Variants in TTLL11 observed in about 807,000 individuals in gnomAD.
TTLL11 encodes tubulin tyrosine ligase like 11, also known as tubulin polyglutamylase TTLL11.
A neutral mutation model predicts 51.7 loss-of-function variants in TTLL11; 42 were observed. The observed-to-expected ratio is 0.81, with a 90% CI of 0.64 to 1.05. TTLL11 has a LOEUF of 1.05. Among genes scored for constraint, TTLL11 ranks in the 50% least tolerant of loss-of-function variants. TTLL11 has a pLI of 0.00. For synonymous variants in TTLL11, 381 were observed against 383.5 expected, an observed-to-expected ratio of 0.99 and a Z score of 0.08; for missense variants, 799 against 940.4, an observed-to-expected ratio of 0.85 and a Z score of 1.97.
intron 8 of TTLL11, among the ~76,000 whole-genome samples, chr9:121,841,101 C>T (rs1457971668): frequency 6.6e-6 from 1 of 151,984 alleles, no homozygotes; most frequent in South Asian, 2.1e-4. Flanking sequence ...ACCGTCTCAC[C>T]CATGGGCCTT....
intron 1 of TTLL11, among the ~76,000 whole-genome samples, chr9:122,081,977 G>A (rs140474843): frequency 7.2e-5 from 11 of 152,290 alleles, no homozygotes; most frequent in African/African-American, 2.2e-4. Flanking sequence ...GTTTAACCTT[G>A]TTGACAATCA....
Position 121,839,131 on chromosome 9 carries a change from G to A in TTLL11, c.1841-16252C>T, listed in dbSNP as rs76271018. On this transcript the variant is annotated intron_variant, in intron 8 of 8. Transcript: ENST00000321582. ...TTGATCCACCTCTTAATATAAATGA[G>A]GTCCTCTCTGTCCTCCTCATTAAAA... Among the ~76,000 whole-genome samples, 826 of 152,314 alleles carry A rather than the reference G, an allele frequency of 5.4e-3. 6 individuals carry two copies. Among genetic ancestry groups the A allele is most frequent in the African/African-American group, 0.019 (796 of 41,556 alleles).
At chr9:121,920,552 T>C (rs1840498047) in intron 6 of TTLL11, among the ~76,000 whole-genome samples, 1 of 152,224 alleles carries the variant, frequency 6.6e-6, no homozygotes, top group Non-Finnish European at 1.5e-5. Flanking sequence ...CTAGTCTATT[T>C]TCTTTGACAG....
chr9:121,910,047 G>A (rs1329619468), intron 6 of TTLL11, among the ~76,000 whole-genome samples: 1 of 152,082 alleles, frequency 6.6e-6, no homozygotes, highest in East Asian at 1.9e-4. Flanking sequence ...AGGTATGTAG[G>A]GCAGAAATTA....
At chr9:121,961,423 G>GA (rs3048093) in intron 6 of TTLL11, among the ~76,000 whole-genome samples, 11,683 of 148,936 alleles carry the variant, frequency 0.078, 679 homozygotes, top group African/African-American at 0.17. Context: ...TTTTATGGAT[G>GA]AAAAAAAAAA....
At chr9:121,925,661 G>C (rs1051064245) in intron 6 of TTLL11, among the ~76,000 whole-genome samples, 4 of 152,172 alleles carry the variant, frequency 2.6e-5, no homozygotes, top group Non-Finnish European at 1.5e-5. Flanking sequence ...CCATGCCAAG[G>C]CTCTCCACAG....
At chr9:121,946,030 G>A (rs555613949) in intron 6 of TTLL11, among the ~76,000 whole-genome samples, 2 of 152,330 alleles carry the variant, frequency 1.3e-5, no homozygotes, top group African/African-American at 2.4e-5. Flanking sequence ...TGCATCCGAT[G>A]TGGTTCTGAG....
Position 121,819,168 on chromosome 9 carries a change from T to G in TTLL11, c.*3419A>C, listed in dbSNP as rs1316419450. 6.6e-6 allele frequency: 1 copy of G among 152,354 alleles called. No homozygotes were observed. The highest frequency in any genetic ancestry group is 1.5e-5 in the Non-Finnish European group (1 of 68,190). 9.4% of individuals were successfully genotyped at this position (152,354 alleles called of 1,614,324 possible). A position where few individuals can be genotyped will look rare whatever the true frequency, so the allele number is the denominator to read the frequency against. On this transcript the variant is annotated 3_prime_UTR_variant, in exon 9 of 9. Coordinates refer to ENST00000321582, the MANE Select transcript of TTLL11 (RefSeq NM_001139442.2). The stretch of plus-strand genomic sequence containing the variant: ...GTTGGGACCAGCACTTGCTAACAGC[T>G]GCACTGAATCTAGCGGGTCTTTATA...
At chr9:121,854,652 G>T (rs527996117) in intron 8 of TTLL11, among the ~76,000 whole-genome samples, 1 of 152,218 alleles carries the variant, frequency 6.6e-6, no homozygotes. Flanking sequence ...GCCTTTAATT[G>T]CCTAATCTTG....
At chr9:121,981,101 A>G (rs1327125935) in intron 4 of TTLL11, among the ~76,000 whole-genome samples, 1 of 150,860 alleles carries the variant, frequency 6.6e-6, no homozygotes, top group African/African-American at 2.4e-5. Context: ...TTTTTTTTCA[A>G]ATTTGGAAAA....
chr9:121,922,626 C>T (rs1329008976), intron 6 of TTLL11, among the ~76,000 whole-genome samples: 35 of 152,070 alleles, frequency 2.3e-4, no homozygotes, highest in Admixed American at 2.2e-3. Context: ...GAAATGACTC[C>T]AATTCTGGAA....
In TTLL11 at chr9:121,950,884, A is replaced by C. The variant is rs376565970; in HGVS notation, c.1481+23125T>G. 6.1e-3 allele frequency among the ~76,000 whole-genome samples: 932 copies of C among 152,324 alleles called. 7 individuals are homozygous for C. The highest frequency in any genetic ancestry group is 0.022 in the African/African-American group (896 of 41,568). On this transcript the variant is annotated intron_variant, in intron 6 of 8. Coordinates refer to ENST00000321582, the MANE Select transcript of TTLL11 (RefSeq NM_001139442.2). ...AGTAAAATGAGGACAATAATACCTTATAGGGTTACGGTAAAAATTAAACCC... is the reference window on the plus strand; with the variant it reads ...AGTAAAATGAGGACAATAATACCTTCTAGGGTTACGGTAAAAATTAAACCC...
chr9:122,089,672 C>A (rs1176031953), intron 1 of TTLL11, among the ~76,000 whole-genome samples: 1 of 152,174 alleles, frequency 6.6e-6, no homozygotes, highest in Non-Finnish European at 1.5e-5. Flanking sequence ...GCATTAGGGA[C>A]ATAAGTCAGA....
intron 2 of TTLL11, among the ~76,000 whole-genome samples, chr9:122,036,579 T>C (rs1013432496): frequency 6.6e-6 from 1 of 152,088 alleles, no homozygotes; most frequent in Non-Finnish European, 1.5e-5. Context: ...AAATTACCCA[T>C]AGAAAAGTGA....
At chr9:121,887,068 T>C (rs533258004) in intron 6 of TTLL11, among the ~76,000 whole-genome samples, 9 of 152,168 alleles carry the variant, frequency 5.9e-5, no homozygotes, top group African/African-American at 2.2e-4. Context: ...TCACGGTGGG[T>C]TTCACAAAAC....
intron 6 of TTLL11, among the ~76,000 whole-genome samples, chr9:121,903,938 G>T (rs1303916203): frequency 6.6e-6 from 1 of 152,136 alleles, no homozygotes; most frequent in Non-Finnish European, 1.5e-5. Flanking sequence ...CTGGGAGTTT[G>T]CAGGGTTTTC....
chr9:121,989,637 C>T lies in TTLL11; in HGVS notation c.827G>A (p.Ser276Asn). 1.2e-6 allele frequency: 2 copies of T among 1,614,162 alleles called. No individual in the cohort carries two copies. Among genetic ancestry groups the T allele is most frequent in the African/African-American group, 1.3e-5 (1 of 75,038 alleles). The change falls in exon 4 of 9, where the codon AGC (serine) becomes AAC (asparagine). Residue 276 changes from serine (S) to asparagine (N), a missense_variant. By Grantham distance (46) the Ser-to-Asn change is conservative (BLOSUM62 1). Coordinates refer to ENST00000321582, the MANE Select transcript of TTLL11 (RefSeq NM_001139442.2). The surrounding 1 kb of genome is among the most constrained non-coding windows in gnomAD (Gnocchi z 4.2). ...SDIRLAGTLQ[S>N]RPAVVQEYIC... Reference sequence around the variant, plus strand: ...GTACTCCTGGACCACCGCTGGCCTGCTCTGGAGGGTCCCTGCCAGGCGGAT... The same window carrying T: ...GTACTCCTGGACCACCGCTGGCCTGTTCTGGAGGGTCCCTGCCAGGCGGAT...
At chr9:122,085,655 C>G (rs906359636) in intron 1 of TTLL11, among the ~76,000 whole-genome samples, 2 of 152,152 alleles carry the variant, frequency 1.3e-5, no homozygotes, top group Non-Finnish European at 2.9e-5. Flanking sequence ...AAAAATAGAT[C>G]AAATAACCAA....
chr9:122,046,339 T>A (rs1323339434), intron 1 of TTLL11, among the ~76,000 whole-genome samples: 1 of 152,204 alleles, frequency 6.6e-6, no homozygotes, highest in Non-Finnish European at 1.5e-5. Context: ...CCTGTTTGCC[T>A]TCTTCCATGA....
Sources: gnomAD v4.1 joint callset for allele counts (sites outside exome capture counted in the v4.1 genomes callset) on GRCh38, gnomAD v4.1.1 for gene constraint, Gnocchi (gnomAD v3.1) non-coding constraint, MANE v1.5 for transcripts, NCBI Gene and HGNC (gene_info 2026-07-23, HGNC 2026-07-21) for gene names.